Variants in KIF13B observed in about 807,000 individuals in gnomAD.
KIF13B encodes kinesin-like protein KIF13B.
KIF13B carries 127 observed loss-of-function variants against 222.0 expected under a neutral mutation model. That is an observed-to-expected ratio of 0.57 (90% confidence interval 0.50 to 0.66). The LOEUF (loss-of-function observed/expected upper bound fraction) is 0.66. Among genes scored for constraint, KIF13B ranks in the 30% least tolerant of loss-of-function variants. KIF13B has a pLI of 0.00. For missense variants in KIF13B, 2,173 were observed against 2,379.0 expected, an observed-to-expected ratio of 0.91 and a Z score of 1.80; for synonymous variants, 976 against 919.0, an observed-to-expected ratio of 1.06 and a Z score of -1.12.
intron 32 of KIF13B, among the ~76,000 whole-genome samples, chr8:29,112,622 G>T (rs1809410774): frequency 6.6e-6 from 1 of 152,116 alleles, no homozygotes; most frequent in African/African-American, 2.4e-5. Context: ...CCCCGAGGAA[G>T]TGAAATCTCC....
chr8:29,244,785 C>T (rs1815947902), intron 2 of KIF13B, among the ~76,000 whole-genome samples: 1 of 152,166 alleles, frequency 6.6e-6, no homozygotes, highest in South Asian at 2.1e-4. Flanking sequence ...AGAAATGATA[C>T]TCAAATATTC....
At chr8:29,163,686 C>A (rs1400589918) in intron 12 of KIF13B, among the ~76,000 whole-genome samples, 1 of 152,148 alleles carries the variant, frequency 6.6e-6, no homozygotes, top group African/African-American at 2.4e-5. Context: ...AGCACTAAAG[C>A]CTGGGAGCTC....
In KIF13B at chr8:29,147,471, G is replaced by C. The variant is rs986235822; in HGVS notation, c.1945C>G (p.Gln649Glu). The change falls in exon 17 of 40, where the codon CAG becomes GAG. Residue 649 changes from glutamine (Q) to glutamate (E), a missense_variant. Gln to Glu is a conservative substitution (Grantham distance 29). Transcript: ENST00000524189. The part of the protein sequence containing the change: ...QLRRRLSPEK[Q>E]NCRSMDRFSF... ...AACCTGTCCATGCTCCGGCAGTTCT[G>C]CTTCTCAGGAGACAGCCTTCTCCGG... The C allele has an allele frequency of 6.2e-7, 1 of 1,613,176 alleles. No individual in the cohort carries two copies. Among genetic ancestry groups the C allele is most frequent in the Non-Finnish European group, 8.5e-7 (1 of 1,179,594 alleles).
At chr8:29,107,683 C>T (rs1013071398) in intron 35 of KIF13B, among the ~76,000 whole-genome samples, 1 of 151,718 alleles carries the variant, frequency 6.6e-6, no homozygotes, top group Non-Finnish European at 1.5e-5. Context: ...GCCTTAGCCT[C>T]CCGAGTAGCT....
intron 28 of KIF13B, 28 bp downstream of exon 28, chr8:29,123,338 C>T (rs1205702296): frequency 6.2e-6 from 10 of 1,611,504 alleles, no homozygotes; most frequent in African/African-American, 2.7e-5. Context: ...GCGTTCAGAC[C>T]TCACAAGACG....
chr8:29,229,633 T>C (rs1441759119), intron 2 of KIF13B, among the ~76,000 whole-genome samples: 1 of 152,244 alleles, frequency 6.6e-6, no homozygotes, highest in Non-Finnish European at 1.5e-5. Flanking sequence ...TGACACCTTC[T>C]AAGCATTCAA....
chr8:29,072,761 G>A (rs1433571914), intron 38 of KIF13B, among the ~76,000 whole-genome samples: 3 of 152,038 alleles, frequency 2.0e-5, no homozygotes, highest in Admixed American at 6.5e-5. Context: ...TGCCATGCAG[G>A]GCCAGCACGC....
chr8:29,197,981 T>C (rs1586914395), intron 2 of KIF13B, among the ~76,000 whole-genome samples: 1 of 152,362 alleles, frequency 6.6e-6, no homozygotes, highest in East Asian at 1.9e-4. Flanking sequence ...GAAAGGAAAC[T>C]GTACATGAAA....
chr8:29,195,156 G>A (rs1813361082), intron 3 of KIF13B, among the ~76,000 whole-genome samples: 1 of 152,120 alleles, frequency 6.6e-6, no homozygotes, highest in South Asian at 2.1e-4. Flanking sequence ...GCTGAGGCAG[G>A]AGAATTGCTT....
At chr8:29,197,627 A>C (rs1813501325) in intron 2 of KIF13B, among the ~76,000 whole-genome samples, 1 of 152,178 alleles carries the variant, frequency 6.6e-6, no homozygotes, top group Non-Finnish European at 1.5e-5. Context: ...AAAACACAGA[A>C]AACAGTCATG....
At chr8:29,166,017 A>G (rs996171650) in intron 11 of KIF13B, among the ~76,000 whole-genome samples, 1 of 150,664 alleles carries the variant, frequency 6.6e-6, no homozygotes, top group African/African-American at 2.5e-5. Flanking sequence ...TTGTGAAGAT[A>G]TAATTACATT....
At chr8:29,112,236 C>T (rs1005529781) in intron 32 of KIF13B, among the ~76,000 whole-genome samples, 3 of 152,084 alleles carry the variant, frequency 2.0e-5, no homozygotes, top group Non-Finnish European at 4.4e-5. Flanking sequence ...AGACTGAGAG[C>T]ATCCTGGCCA....
Position 29,134,151 on chromosome 8 carries a change from T to C in KIF13B, c.2673A>G (p.Lys891=). 6.2e-7 allele frequency: 1 copy of C among 1,613,998 alleles called. No individual in the cohort carries two copies. The highest frequency in any genetic ancestry group is 8.5e-7 in the Non-Finnish European group (1 of 1,179,874). Reference sequence around the variant, plus strand: ...GCTCCTGTTGATCCCAGAAGCTGTATTTGCAGAACACAAAGTGGGACAGAT... The same window carrying C: ...GCTCCTGTTGATCCCAGAAGCTGTACTTGCAGAACACAAAGTGGGACAGAT... ...PQHLSHFVFC[K]YSFWDQQEPV... Residue 891 remains lysine, a synonymous_variant, in exon 22 of 40, where the codon AAA becomes AAG. Coordinates refer to ENST00000524189, the MANE Select transcript of KIF13B (RefSeq NM_015254.4).
intron 37 of KIF13B, among the ~76,000 whole-genome samples, chr8:29,090,415 G>T (rs939849918): frequency 1.3e-5 from 2 of 152,206 alleles, no homozygotes; most frequent in Non-Finnish European, 2.9e-5. Context: ...TGGATGTAAA[G>T]ACTTGATGGA....
chr8:29,130,397 G>A (rs1810292566), intron 24 of KIF13B, 136 bp downstream of exon 24: 1 of 904,640 alleles, frequency 1.1e-6, no homozygotes, highest in Non-Finnish European at 1.7e-6. Context: ...TGTGACATGA[G>A]ATAGGAGAAT....
intron 2 of KIF13B, among the ~76,000 whole-genome samples, chr8:29,210,421 G>T: frequency 6.6e-6 from 1 of 152,194 alleles, no homozygotes; most frequent in Non-Finnish European, 1.5e-5. Context: ...AATGTGTTCA[G>T]ATCCTTTCTC....
intron 36 of KIF13B, among the ~76,000 whole-genome samples, 179 bp from the exon 37 acceptor site, chr8:29,093,057 T>C (rs1033486206): frequency 6.6e-6 from 1 of 152,182 alleles, no homozygotes; most frequent in Non-Finnish European, 1.5e-5. Flanking sequence ...AACATAGTAA[T>C]GTCTCTTTTT....
At chr8:29,198,565 C>G (rs1586915156) in intron 2 of KIF13B, among the ~76,000 whole-genome samples, 2 of 152,066 alleles carry the variant, frequency 1.3e-5, no homozygotes, top group African/African-American at 4.8e-5. Flanking sequence ...TCAAGTGATC[C>G]GCCCGCCTCG....
intron 2 of KIF13B, among the ~76,000 whole-genome samples, chr8:29,197,545 CAT>C (rs562295464): frequency 6.6e-6 from 1 of 152,048 alleles, no homozygotes; most frequent in Non-Finnish European, 1.5e-5. Context: ...CACACATACA[CAT>C]ATATGTTTTT....
Sources: allele counts gnomAD v4.1 joint callset (sites outside exome capture counted in the v4.1 genomes callset), GRCh38; gene constraint gnomAD v4.1.1; transcripts MANE v1.5; gene names NCBI Gene and HGNC (gene_info 2026-07-23, HGNC 2026-07-21).